ITGB2: variants seen among roughly 807,000 people sequenced by gnomAD.
ITGB2 encodes integrin beta-2.
Under a neutral mutation model 86.8 loss-of-function variants are expected in ITGB2, and 56 were observed. The ratio of observed to expected loss-of-function variants is 0.65; its 90% CI spans 0.52 to 0.81. The LOEUF (loss-of-function observed/expected upper bound fraction) is 0.81. ITGB2 is among the 30% of genes least tolerant of loss of function. ITGB2 has a pLI of 0.00. For synonymous variants in ITGB2, 457 were observed against 450.4 expected (o/e 1.01, Z -0.19); for missense variants, 948 against 1,061.2 (o/e 0.89, Z 1.48).
At chr21:44,900,285 CAGG>C in intron 7 of ITGB2, 32 bp downstream of exon 7, 1 of 1,614,016 alleles carries the variant, frequency 6.2e-7, no homozygotes, top group East Asian at 2.2e-5. Context: ...GGTGTCCTGC[CAGG>C]CGGTGCCTGG....
chr21:44,898,637 G>T (rs1331045140), intron 8 of ITGB2, among the ~76,000 whole-genome samples: 1 of 152,246 alleles, frequency 6.6e-6, no homozygotes, highest in Non-Finnish European at 1.5e-5. Flanking sequence ...CTGGTTATCA[G>T]CTGTGCTTCC....
upstream of ITGB2, among the ~76,000 whole-genome samples, chr21:44,922,653 AC>A (rs1194216082): frequency 9.6e-6 from 1 of 103,776 alleles, no homozygotes; most frequent in African/African-American, 5.4e-5. Context: ...AGTCTGGGTA[AC>A]TGAGAAAAAA....
At position 44,886,336 on chromosome 21, in the gene ITGB2, G is replaced by C; in HGVS notation, c.*32C>G. 6.3e-7 allele frequency: 1 copy of C among 1,598,056 alleles called. No individual in the cohort carries two copies. The highest frequency in any genetic ancestry group is 8.6e-7 in the Non-Finnish European group (1 of 1,165,416). ...GCCGCGTGATGGGGCAGACATGGTG[G>C]GTCCTGACGGCCTTGTCTTCACCAA... On this transcript the variant is annotated 3_prime_UTR_variant, in exon 16 of 16. Coordinates refer to ENST00000652462, the MANE Select transcript of ITGB2 (RefSeq NM_000211.5).
intron 5 of ITGB2, among the ~76,000 whole-genome samples, chr21:44,902,309 A>ATG (rs1001783620): frequency 6.6e-6 from 1 of 152,178 alleles, no homozygotes; most frequent in Non-Finnish European, 1.5e-5. Context: ...CTGTGTGTGC[A>ATG]TGTGTGTGCA....
At chr21:44,909,030 G>T (rs946506067) in intron 3 of ITGB2, among the ~76,000 whole-genome samples, 3 of 152,240 alleles carry the variant, frequency 2.0e-5, no homozygotes, top group Admixed American at 6.5e-5. Context: ...TCCTTAGGTT[G>T]GCAGCCGTGA....
chr21:44,923,711 G>T (rs1402640729), upstream of ITGB2, among the ~76,000 whole-genome samples: 2 of 152,168 alleles, frequency 1.3e-5, no homozygotes, highest in African/African-American at 2.4e-5. Context: ...GGTGGTGATG[G>T]TTGCACAGTA....
intron 1 of ITGB2, chr21:44,911,214 C>T: frequency 3.4e-6 from 1 of 295,306 alleles, no homozygotes; most frequent in South Asian, 3.3e-5. Flanking sequence ...ATGTATACAC[C>T]CCTTACCCAC....
chr21:44,917,542 G>A (rs147820214), intron 1 of ITGB2, among the ~76,000 whole-genome samples: 148 of 152,262 alleles, frequency 9.7e-4, no homozygotes, highest in African/African-American at 3.4e-3. Context: ...TGATGAGGAC[G>A]CTGCTTCATG....
chr21:44,891,877 C>T lies in ITGB2; in HGVS notation c.1344G>A (p.Arg448=), dbSNP rs900467466. 5.6e-6 allele frequency: 9 copies of T among 1,612,654 alleles called. No individual in the cohort carries two copies. Among genetic ancestry groups the T allele is most frequent in the Admixed American group, 3.3e-5 (2 of 60,018 alleles). The stretch of plus-strand genomic sequence containing the variant: ...TGCGGTCTCTGCTCTGGTCCCGGCA[C>T]CGGCACTCACACTGGGGAAGAACCT... ...TVQVLPQCEC[R]CRDQSRDRSL... Residue 448 remains arginine, a synonymous_variant, in exon 11 of 16, where the codon CGG becomes CGA. Coordinates refer to ENST00000652462, the MANE Select transcript of ITGB2 (RefSeq NM_000211.5).
Position 44,889,265 on chromosome 21 carries a change from C to T in ITGB2, c.1877+11G>A, listed in dbSNP as rs777344439. 2 of 1,612,040 alleles carry T rather than the reference C, an allele frequency of 1.2e-6. No individual in the cohort carries two copies. The highest frequency in any genetic ancestry group is 2.2e-5 in the South Asian group (2 of 91,044). ...ATCCCTGCCCGCCCTGCCTGCTCCGCCTGCACTCACATGTACTTGCCACAG... is the reference window on the plus strand; with the variant it reads ...ATCCCTGCCCGCCCTGCCTGCTCCGTCTGCACTCACATGTACTTGCCACAG... On this transcript the variant is annotated intron_variant, in intron 13 of 15. Coordinates refer to ENST00000652462, the MANE Select transcript of ITGB2 (RefSeq NM_000211.5).
Position 44,926,466 on chromosome 21 carries a change from C to T in ITGB2, c.-4+2188G>A, listed in dbSNP as rs899163283. ...CCCTCTTGCTTTGATGAGGAAATGGCGACCGCAGAAGGAAATGTAGCAGCA... is the reference window on the plus strand; with the variant it reads ...CCCTCTTGCTTTGATGAGGAAATGGTGACCGCAGAAGGAAATGTAGCAGCA... On this transcript the variant is annotated intron_variant, in intron 1 of 15. Coordinates refer to the ITGB2 transcript ENST00000355153. Among the ~76,000 whole-genome samples, 18 of 152,258 alleles carry T rather than the reference C, an allele frequency of 1.2e-4. No homozygotes were observed. The Middle Eastern group carries it at 0.01, about 86-fold the overall frequency.
intron 4 of ITGB2, among the ~76,000 whole-genome samples, chr21:44,905,172 C>T (rs1227396160): frequency 6.6e-6 from 1 of 152,136 alleles, no homozygotes; most frequent in Admixed American, 6.5e-5. Context: ...AGAGGCTCAG[C>T]GAAGGGCCAG....
chr21:44,906,901 G>A lies in ITGB2; in HGVS notation c.328+14C>T, dbSNP rs780089604. 14 of 1,613,942 alleles carry A rather than the reference G, an allele frequency of 8.7e-6. No individual in the cohort carries two copies. Among genetic ancestry groups the A allele is most frequent in the Admixed American group, 3.3e-5 (2 of 60,002 alleles). On this transcript the variant is annotated intron_variant, in intron 4 of 15. Coordinates refer to ENST00000652462, the MANE Select transcript of ITGB2 (RefSeq NM_000211.5). ...ACAGACGGTGCCTGGCACCACCACC[G>A]AGGCCAAGCCTACCTGGTCGCAGGT...
intron 15 of ITGB2, 98 bp from the exon 16 acceptor site, chr21:44,886,528 G>C (rs939288609): frequency 8.2e-6 from 12 of 1,462,372 alleles, no homozygotes; most frequent in Non-Finnish European, 1.1e-5. Context: ...CCGTCACTTT[G>C]AGGAAGAGCT....
At chr21:44,913,750 G>A (rs2084165191) in intron 1 of ITGB2, among the ~76,000 whole-genome samples, 1 of 152,216 alleles carries the variant, frequency 6.6e-6, no homozygotes, top group African/African-American at 2.4e-5. Flanking sequence ...GGCCCACGGA[G>A]GTCCAGGGCC....
chr21:44,887,198 T>C (rs1330951664), intron 14 of ITGB2, among the ~76,000 whole-genome samples: 1 of 152,118 alleles, frequency 6.6e-6, no homozygotes, highest in East Asian at 1.9e-4. Flanking sequence ...GTGCTAATAC[T>C]GGGGGGTAGG....
At position 44,899,010 on chromosome 21, in the gene ITGB2, G is replaced by A. The variant is rs760434921; in HGVS notation, c.993+57C>T. 6.5e-6 allele frequency: 9 copies of A among 1,382,528 alleles called. No homozygotes were observed. In the East Asian group the frequency reaches 1.4e-4, roughly 21 times the overall value. 85.6% of individuals were successfully genotyped at this position (1,382,528 alleles called of 1,614,324 possible). The stretch of plus-strand genomic sequence containing the variant: ...CAGACCTGCAGTGGCGCTGGGTCTG[G>A]CCTGTGGCTGAAACATGCCCCCACC... On this transcript the variant is annotated intron_variant, in intron 8 of 15. Coordinates refer to ENST00000652462, the MANE Select transcript of ITGB2 (RefSeq NM_000211.5).
chr21:44,927,101 C>G (rs1182528198), intron 1 of ITGB2: 1 of 152,542 alleles, frequency 6.6e-6, no homozygotes, highest in African/African-American at 2.4e-5. Context: ...TCCCTTCGCC[C>G]AGCTTCCACC....
chr21:44,922,600 G>C (rs530297637), upstream of ITGB2, among the ~76,000 whole-genome samples: 10 of 147,010 alleles, frequency 6.8e-5, no homozygotes, highest in Non-Finnish European at 1.2e-4. Context: ...TTGAGCCCAA[G>C]AGGTTGAGGC....
Sources: allele counts gnomAD v4.1 joint callset (sites outside exome capture counted in the v4.1 genomes callset), GRCh38; gene constraint gnomAD v4.1.1; transcripts MANE v1.5; gene names NCBI Gene and HGNC (gene_info 2026-07-23, HGNC 2026-07-21).